The following ABAT variants were observed in gnomAD, a reference collection of about 807,000 sequenced individuals.
ABAT encodes the protein 4-aminobutyrate aminotransferase, also known as 4-aminobutyrate aminotransferase, mitochondrial.
ABAT carries 45 observed loss-of-function variants against 64.6 expected under a neutral mutation model. The ratio of observed to expected loss-of-function variants is 0.70; its 90% CI spans 0.55 to 0.89. The LOEUF (loss-of-function observed/expected upper bound fraction) is 0.89, where lower values mean the gene tolerates loss of function less well. Ranked by LOEUF, ABAT falls within the 40% of genes least tolerant of loss-of-function variation. The pLI is 0.00. For synonymous variants in ABAT, 297 were observed against 250.5 expected (o/e 1.19, Z -1.75); for missense variants, 633 against 658.4 (o/e 0.96, Z 0.42).
intron 5 of ABAT, 146 bp downstream of exon 5, chr16:8,750,685 T>A: frequency 1.3e-6 from 1 of 783,244 alleles, no homozygotes; most frequent in Non-Finnish European, 2.3e-6. Context: ...AAAAAATAAA[T>A]AATGTGTAAA....
chr16:8,753,540 G>A (rs1190574877), intron 5 of ABAT, among the ~76,000 whole-genome samples: 2 of 152,324 alleles, frequency 1.3e-5, no homozygotes, highest in South Asian at 4.1e-4. Flanking sequence ...TTCTTCAGAA[G>A]CCAGTAAGGC....
At chr16:8,726,292 G>A (rs866453383) in intron 1 of ABAT, among the ~76,000 whole-genome samples, 27 of 123,898 alleles carry the variant, frequency 2.2e-4, no homozygotes, top group Admixed American at 7.0e-4. Flanking sequence ...ATGGAGTCTC[G>A]ATCTGTTGCC....
chr16:8,713,959 C>T (rs1199248658), intron 1 of ABAT: 2 of 455,094 alleles, frequency 4.4e-6, no homozygotes, highest in African/African-American at 4.0e-5. Context: ...CTGTCAGTGC[C>T]TGTTATCTGT....
intron 11 of ABAT, among the ~76,000 whole-genome samples, chr16:8,770,905 T>G (rs55949055): frequency 6.6e-6 from 1 of 152,354 alleles, no homozygotes; most frequent in Non-Finnish European, 1.5e-5. Context: ...TTTTAAAAAT[T>G]CATTTATTTA....
chr16:8,687,987 C>G (rs962075979), intron 1 of ABAT, among the ~76,000 whole-genome samples: 2 of 152,058 alleles, frequency 1.3e-5, no homozygotes, highest in Non-Finnish European at 2.9e-5. Flanking sequence ...CAGCCTCGGC[C>G]TCTAGGCTCA....
At position 8,764,951 on chromosome 16, in the gene ABAT, T is replaced by C; in HGVS notation, c.540+121T>C. 1 of 934,844 alleles carries C rather than the reference T, an allele frequency of 1.1e-6. No homozygotes were observed. Among genetic ancestry groups the C allele is most frequent in the South Asian group, 1.4e-5 (1 of 73,424 alleles). 57.9% of individuals were successfully genotyped at this position (934,844 alleles called of 1,614,324 possible). ...GAGTATTAGACATCAGTACCAGGGT[T>C]AAAATACAGGGAGGGCCACTGCTGG... is the stretch of plus-strand genomic sequence containing the variant. On this transcript the variant is annotated intron_variant, in intron 8 of 15. Coordinates refer to ENST00000268251, the MANE Select transcript of ABAT (RefSeq NM_020686.6). The surrounding 1 kb of genome is among the most constrained non-coding windows in gnomAD (Gnocchi z 4.2).
At chr16:8,727,184 A>G (rs572373953) in intron 1 of ABAT, among the ~76,000 whole-genome samples, 7 of 152,086 alleles carry the variant, frequency 4.6e-5, no homozygotes, top group African/African-American at 1.4e-4. Flanking sequence ...TGGAGGACAG[A>G]CCCTTCTGGA....
intron 1 of ABAT, among the ~76,000 whole-genome samples, chr16:8,716,158 C>A (rs1190115572): frequency 6.6e-6 from 1 of 152,180 alleles, no homozygotes; most frequent in Non-Finnish European, 1.5e-5. Context: ...GTGGAGAAAA[C>A]AGAGGCACAG....
At chr16:8,730,168 G>T (rs2058678229) in intron 1 of ABAT, among the ~76,000 whole-genome samples, 1 of 152,158 alleles carries the variant, frequency 6.6e-6, no homozygotes, top group Non-Finnish European at 1.5e-5. Context: ...CCTGCACATA[G>T]CAAGTGCCCA....
chr16:8,780,823 T>TG (rs34060423), intron 15 of ABAT: 139,197 of 249,406 alleles, frequency 0.56, 40,861 homozygotes, highest in African/African-American at 0.68. Context: ...CAGCTGTAAC[T>TG]GTGAAGTCAC....
rs74008071 is a variant in ABAT, at chr16:8,779,865, C to T, written c.1381+275C>T. Among the ~76,000 whole-genome samples, 996 of 152,306 alleles carry T rather than the reference C, an allele frequency of 6.5e-3. 9 individuals are homozygous for T. The highest frequency in any genetic ancestry group is 0.023 in the African/African-American group (941 of 41,546). ...ATGATGAAGACCATCAGAGCCCCTT[C>T]CTTCAGGAAGCATGCAGTGTAGCAG... On this transcript the variant is annotated intron_variant, in intron 15 of 15. Coordinates refer to ENST00000268251, the MANE Select transcript of ABAT (RefSeq NM_020686.6).
chr16:8,770,693 G>C (rs1024007963), intron 11 of ABAT, among the ~76,000 whole-genome samples: 3 of 152,076 alleles, frequency 2.0e-5, no homozygotes, highest in African/African-American at 7.2e-5. Flanking sequence ...TGCCCACTTC[G>C]GCTTCCCAAA....
rs143230352 is a variant in ABAT at position 8,737,977 on chromosome 16, G to A, written c.70+2168G>A. ...GGAAGGAAGGAAGGAAGGAAGGAAG[G>A]AAGGAAGGAAGGAGGAAAGAAAGAA... is the stretch of plus-strand genomic sequence containing the variant. On this transcript the variant is annotated intron_variant, in intron 2 of 15. Transcript: ENST00000268251. Among the ~76,000 whole-genome samples the A allele has an allele frequency of 9.5e-3, 23 of 2,432 alleles. 1 individual carries two copies. The highest frequency in any genetic ancestry group is 0.018 in the African/African-American group (11 of 602). The allele number at this position is 2,432 out of a possible 152,430, so 1.6% of individuals were successfully genotyped here.
chr16:8,765,063 C>A (rs547695582), intron 8 of ABAT, among the ~76,000 whole-genome samples: 9 of 151,994 alleles, frequency 5.9e-5, no homozygotes, highest in Non-Finnish European at 4.4e-5. Flanking sequence ...TGGGCGCAGT[C>A]GTTCACACCT....
At chr16:8,710,021 C>A (rs898138339) in intron 1 of ABAT, among the ~76,000 whole-genome samples, 1 of 151,864 alleles carries the variant, frequency 6.6e-6, no homozygotes, top group African/African-American at 2.4e-5. Context: ...CTGTATTGCC[C>A]AGGCTGGTCT....
chr16:8,689,660 G>C (rs747329), intron 1 of ABAT, among the ~76,000 whole-genome samples: 39,214 of 152,192 alleles, frequency 0.26, 5,856 homozygotes, highest in East Asian at 0.65. Context: ...CTAAAAGGAA[G>C]ATTTGATCTG....
intron 8 of ABAT, chr16:8,765,909 C>T (rs1014005424): frequency 4.7e-5 from 18 of 380,060 alleles, no homozygotes; most frequent in Admixed American, 1.5e-4. Context: ...CAGATTTGAG[C>T]CCGCACATCT....
chr16:8,694,832 G>C (rs552142022), intron 1 of ABAT, among the ~76,000 whole-genome samples: 16 of 152,342 alleles, frequency 1.1e-4, no homozygotes, highest in African/African-American at 3.8e-4. Context: ...TCTGTCCTGG[G>C]CTGTGTCCTG....
intron 8 of ABAT, 111 bp from the exon 9 acceptor site, chr16:8,766,097 C>T (rs2059934700): frequency 1.0e-6 from 1 of 995,048 alleles, no homozygotes; most frequent in African/African-American, 1.6e-5. Context: ...GAGATCCACT[C>T]CTGAGAAAGC....
Sources: allele counts gnomAD v4.1 joint callset (sites outside exome capture counted in the v4.1 genomes callset), GRCh38; gene constraint gnomAD v4.1.1; non-coding constraint Gnocchi (gnomAD v3.1); transcripts MANE v1.5; gene names NCBI Gene and HGNC (gene_info 2026-07-23, HGNC 2026-07-21).